The following NOS1AP variants were observed in gnomAD, a reference collection of about 807,000 sequenced individuals.
The protein encoded by NOS1AP is nitric oxide synthase 1 adaptor protein.
NOS1AP carries 21 observed loss-of-function variants against 56.2 expected under a neutral mutation model. The observed-to-expected ratio is 0.37, with a 90% CI of 0.26 to 0.54. The LOEUF (loss-of-function observed/expected upper bound fraction) is 0.54. NOS1AP is among the 20% of genes least tolerant of loss of function. NOS1AP has a pLI of 0.84. For missense variants in NOS1AP, 522 were observed against 657.8 expected, an observed-to-expected ratio of 0.79 and a Z score of 2.26; for synonymous variants, 270 against 274.6, an observed-to-expected ratio of 0.98 and a Z score of 0.17.
chr1:162,161,383 A>C (rs1369515589), intron 2 of NOS1AP, among the ~76,000 whole-genome samples: 1 of 152,238 alleles, frequency 6.6e-6, no homozygotes, highest in Non-Finnish European at 1.5e-5. Context: ...TATTGGGATC[A>C]GGAAGAACTA....
intron 2 of NOS1AP, among the ~76,000 whole-genome samples, chr1:162,184,432 G>A (rs959570938): frequency 6.6e-6 from 1 of 152,138 alleles, no homozygotes; most frequent in South Asian, 2.1e-4. Context: ...GCTTGACACA[G>A]GGTTGCCGCA....
At chr1:162,235,591 G>A (rs112988303) in intron 2 of NOS1AP, among the ~76,000 whole-genome samples, 3 of 152,320 alleles carry the variant, frequency 2.0e-5, no homozygotes, top group African/African-American at 7.2e-5. Context: ...GCTGCATGGG[G>A]AGATCAAAGC....
intron 2 of NOS1AP, among the ~76,000 whole-genome samples, chr1:162,211,908 C>A (rs1365182800): frequency 6.6e-6 from 1 of 152,172 alleles, no homozygotes; most frequent in African/African-American, 2.4e-5. Context: ...CTTGTAGCTT[C>A]CCCCCACAAA....
At position 162,367,191 on chromosome 1, in the gene NOS1AP, G is replaced by C; in HGVS notation, c.1245G>C (p.Ala415=). ...GAGLADFAHP[A]GSPLGRRDCL... ...GCTTGGCTGACTTTGCCCACCCTGC[G>C]GGCAGCCCCTTAGGTAGGCGCGACT... is the stretch of plus-strand genomic sequence containing the variant. Residue 415 remains alanine, a synonymous_variant, in exon 10 of 10, where the codon GCG becomes GCC. Coordinates refer to ENST00000361897, the MANE Select transcript of NOS1AP (RefSeq NM_014697.3). This position sits in a 1 kb window ranked among gnomAD's most constrained non-coding sequence, Gnocchi z 6.5. 6.2e-7 allele frequency: 1 copy of C among 1,613,890 alleles called. No homozygotes were observed. Among genetic ancestry groups the C allele is most frequent in the South Asian group, 1.1e-5 (1 of 91,092 alleles).
chr1:162,077,829 T>C (rs545302060), intron 1 of NOS1AP, among the ~76,000 whole-genome samples: 2 of 152,222 alleles, frequency 1.3e-5, no homozygotes, highest in East Asian at 3.9e-4. Flanking sequence ...GTCTTTCTCC[T>C]CCTTTCACAG....
chr1:162,120,687 G>T (rs56715266), intron 1 of NOS1AP, among the ~76,000 whole-genome samples: 7,542 of 151,580 alleles, frequency 0.05, 253 homozygotes, highest in Middle Eastern at 0.082. Flanking sequence ...TGGGGGAACC[G>T]CCCCCCCCAT....
intron 2 of NOS1AP, among the ~76,000 whole-genome samples, chr1:162,162,052 T>C (rs1336605615): frequency 6.6e-6 from 1 of 152,202 alleles, no homozygotes; most frequent in Non-Finnish European, 1.5e-5. Context: ...AATTTTAAGA[T>C]TTTGTTTTTC....
At chr1:162,323,568 G>A (rs1369386487) in intron 4 of NOS1AP, among the ~76,000 whole-genome samples, 1 of 152,194 alleles carries the variant, frequency 6.6e-6, no homozygotes, top group Admixed American at 6.5e-5. Context: ...GTTTTTGCCT[G>A]TAAAGTGCTT....
chr1:162,296,690 C>T (rs991496889), intron 3 of NOS1AP, among the ~76,000 whole-genome samples: 4 of 152,140 alleles, frequency 2.6e-5, no homozygotes, highest in Non-Finnish European at 5.9e-5. Context: ...GAAAATAGTT[C>T]TGTATTATTT....
intron 4 of NOS1AP, among the ~76,000 whole-genome samples, chr1:162,303,467 G>T (rs1263079876): frequency 6.6e-6 from 1 of 152,234 alleles, no homozygotes; most frequent in Non-Finnish European, 1.5e-5. Context: ...TTGAGACAGG[G>T]TCTTACTCTG....
At chr1:162,240,095 C>A (rs1446566448) in intron 2 of NOS1AP, among the ~76,000 whole-genome samples, 10 of 152,168 alleles carry the variant, frequency 6.6e-5, no homozygotes, top group Admixed American at 6.5e-5. Flanking sequence ...TCATTGAAAC[C>A]CATTCCTTAA....
intron 1 of NOS1AP, among the ~76,000 whole-genome samples, chr1:162,120,925 A>G (rs1399289487): frequency 6.6e-6 from 1 of 152,050 alleles, no homozygotes; most frequent in Admixed American, 6.5e-5. Context: ...TCTTTTGGAT[A>G]TGGGTTCTGA....
chr1:162,334,089 G>A (rs1270715757), intron 5 of NOS1AP, among the ~76,000 whole-genome samples: 2 of 152,174 alleles, frequency 1.3e-5, no homozygotes, highest in African/African-American at 4.8e-5. Context: ...CTCTTTAGCA[G>A]ATGTTTAGGT....
chr1:162,128,293 A>G (rs1648578162), intron 1 of NOS1AP, among the ~76,000 whole-genome samples: 1 of 152,138 alleles, frequency 6.6e-6, no homozygotes, highest in African/African-American at 2.4e-5. Flanking sequence ...CACTAAATGA[A>G]AATACACGTT....
chr1:162,178,269 C>T (rs375290381), intron 2 of NOS1AP, among the ~76,000 whole-genome samples: 2 of 152,274 alleles, frequency 1.3e-5, no homozygotes, highest in East Asian at 1.9e-4. Context: ...ATTTTGGCTG[C>T]TTCCAAGGTT....
chr1:162,175,077 A>T (rs1262467611), intron 2 of NOS1AP, among the ~76,000 whole-genome samples: 2 of 152,026 alleles, frequency 1.3e-5, no homozygotes, highest in African/African-American at 2.4e-5. Flanking sequence ...ATCACTGTTG[A>T]TGTTAACCTT....
At chr1:162,234,848 T>C (rs1032917529) in intron 2 of NOS1AP, among the ~76,000 whole-genome samples, 1 of 152,170 alleles carries the variant, frequency 6.6e-6, no homozygotes, top group African/African-American at 2.4e-5. Context: ...GAGTGGGGAA[T>C]TGTAGCCACA....
Position 162,171,421 on chromosome 1 carries a change from T to A in NOS1AP, c.177+16945T>A, listed in dbSNP as rs143947361. Reference sequence around the variant, plus strand: ...CCTGGTGTCATGGGGCTGCTCATCATGGTCTTGTATTCTGCCTGCATCTCC... The same window carrying A: ...CCTGGTGTCATGGGGCTGCTCATCAAGGTCTTGTATTCTGCCTGCATCTCC... On this transcript the variant is annotated intron_variant, in intron 2 of 9. Transcript: ENST00000361897. 2.7e-3 allele frequency among the ~76,000 whole-genome samples: 414 copies of A among 152,306 alleles called. 2 individuals are homozygous for A. Among genetic ancestry groups the A allele is most frequent in the Non-Finnish European group, 5.1e-3 (350 of 68,008 alleles).
chr1:162,309,523 G>A (rs570013156), intron 4 of NOS1AP, among the ~76,000 whole-genome samples: 3 of 152,234 alleles, frequency 2.0e-5, no homozygotes, highest in South Asian at 4.1e-4. Flanking sequence ...TTTTTATTAT[G>A]GAAGTAAGGT....
Sources: gnomAD v4.1 joint callset for allele counts (sites outside exome capture counted in the v4.1 genomes callset) on GRCh38, gnomAD v4.1.1 for gene constraint, Gnocchi (gnomAD v3.1) non-coding constraint, MANE v1.5 for transcripts, NCBI Gene and HGNC (gene_info 2026-07-23, HGNC 2026-07-21) for gene names.